Variants in CRTAC1 observed in about 807,000 individuals in gnomAD.
The protein encoded by CRTAC1 is acidic secreted protein in cartilage.
CRTAC1 carries 37 observed loss-of-function variants against 67.8 expected under a neutral mutation model. That is an observed-to-expected ratio of 0.55 (90% CI 0.42 to 0.72). CRTAC1 has a LOEUF of 0.72. Ranked by LOEUF, CRTAC1 falls within the 30% of genes least tolerant of loss-of-function variation. The probability of loss-of-function intolerance (pLI) is 0.00; values close to 1 mark genes in which losing one functional copy is unlikely to be tolerated. For synonymous variants in CRTAC1, 348 were observed against 371.0 expected (o/e 0.94, Z 0.71); for missense variants, 780 against 931.6 (o/e 0.84, Z 2.12).
chr10:97,998,817 G>A (rs2136681263), intron 2 of CRTAC1, among the ~76,000 whole-genome samples: 1 of 152,318 alleles, frequency 6.6e-6, no homozygotes, highest in Admixed American at 6.5e-5. Context: ...AAAATACTAT[G>A]CAAATGCCAA....
intron 8 of CRTAC1, among the ~76,000 whole-genome samples, chr10:97,901,019 C>A (rs1391232483): frequency 7.4e-6 from 1 of 134,976 alleles, no homozygotes; most frequent in African/African-American, 3.0e-5. Flanking sequence ...GTGATTGGAG[C>A]CCGTAGCCCC....
At chr10:98,004,651 C>T (rs1309493835) in intron 2 of CRTAC1, among the ~76,000 whole-genome samples, 1 of 151,860 alleles carries the variant, frequency 6.6e-6, no homozygotes, top group South Asian at 2.1e-4. Context: ...AGATTAGAAA[C>T]AGCTTAAACG....
chr10:97,938,747 C>T (rs1264583719), intron 2 of CRTAC1, among the ~76,000 whole-genome samples: 2 of 152,206 alleles, frequency 1.3e-5, no homozygotes, highest in Non-Finnish European at 2.9e-5. Context: ...CATCCTTGGG[C>T]TCATTTGCCA....
intron 2 of CRTAC1, among the ~76,000 whole-genome samples, chr10:97,994,534 G>A (rs1052195529): frequency 1.3e-5 from 2 of 152,182 alleles, no homozygotes; most frequent in African/African-American, 4.8e-5. Context: ...TTCAGGGGAC[G>A]CATAGATCTG....
At position 97,936,285 on chromosome 10, in the gene CRTAC1, T is replaced by C; in HGVS notation, c.306A>G (p.Ser102=). The C allele has an allele frequency of 6.2e-7, 1 of 1,613,980 alleles. No homozygotes were observed. The change falls in exon 3 of 15, where the codon TCA becomes TCG. Residue 102 remains serine, a synonymous_variant. Transcript: ENST00000370597. ...LVNIAVDERS[S]PYYALRDRQG... Reference sequence around the variant, plus strand: ...GCCGGTCCCGCAGCGCGTAGTAGGGTGAGCTGCGCTCATCGACCGCGATGT... The same window carrying C: ...GCCGGTCCCGCAGCGCGTAGTAGGGCGAGCTGCGCTCATCGACCGCGATGT...
intron 2 of CRTAC1, among the ~76,000 whole-genome samples, chr10:97,988,238 C>T (rs2052016888): frequency 6.6e-6 from 1 of 151,670 alleles, no homozygotes; most frequent in African/African-American, 2.4e-5. Flanking sequence ...CAGTATGCCT[C>T]CTCTAGATCC....
intron 11 of CRTAC1, among the ~76,000 whole-genome samples, chr10:97,887,727 G>A (rs1250291502): frequency 6.6e-6 from 1 of 152,234 alleles, no homozygotes; most frequent in East Asian, 1.9e-4. Context: ...TAAGATGGGG[G>A]TGCTGGCCAA....
At chr10:97,960,515 A>G (rs535776671) in intron 2 of CRTAC1, among the ~76,000 whole-genome samples, 7 of 152,218 alleles carry the variant, frequency 4.6e-5, no homozygotes, top group Admixed American at 3.9e-4. Context: ...AACTGCTTAC[A>G]TAATAAATCT....
intron 3 of CRTAC1, among the ~76,000 whole-genome samples, chr10:97,930,016 C>A (rs1316029365): frequency 6.6e-6 from 1 of 152,190 alleles, no homozygotes; most frequent in Non-Finnish European, 1.5e-5. Flanking sequence ...CTTCCCTCAT[C>A]CCAAGGTTAA....
At chr10:97,903,507 G>A (rs890882809) in intron 7 of CRTAC1, among the ~76,000 whole-genome samples, 3 of 151,812 alleles carry the variant, frequency 2.0e-5, no homozygotes, top group Non-Finnish European at 4.4e-5. Flanking sequence ...GGGAGGGAGT[G>A]GCTGGGCCTG....
At chr10:97,958,602 G>A (rs1259058605) in intron 2 of CRTAC1, among the ~76,000 whole-genome samples, 6 of 152,124 alleles carry the variant, frequency 3.9e-5, no homozygotes, top group Admixed American at 3.9e-4. Context: ...CATCATTTGA[G>A]TCCATAGAGA....
intron 5 of CRTAC1, among the ~76,000 whole-genome samples, chr10:97,916,285 T>C (rs2050757897): frequency 6.6e-6 from 1 of 152,204 alleles, no homozygotes; most frequent in Non-Finnish European, 1.5e-5. Flanking sequence ...TGTTTATTTC[T>C]TTTCCGGGGG....
chr10:98,004,131 C>T (rs1352498042), intron 2 of CRTAC1, among the ~76,000 whole-genome samples: 2 of 152,140 alleles, frequency 1.3e-5, no homozygotes, highest in Admixed American at 1.3e-4. Context: ...CATCCAAAAC[C>T]ACAGCTGAAG....
chr10:97,999,193 C>G (rs531898003), intron 2 of CRTAC1, among the ~76,000 whole-genome samples: 2 of 152,210 alleles, frequency 1.3e-5, no homozygotes, highest in African/African-American at 2.4e-5. Flanking sequence ...AGGACTCCCA[C>G]GCAGGGGAGA....
chr10:98,007,477 T>G (rs1044984275), intron 2 of CRTAC1, among the ~76,000 whole-genome samples: 1 of 152,242 alleles, frequency 6.6e-6, no homozygotes, highest in Admixed American at 6.5e-5. Flanking sequence ...GAATTCGCAA[T>G]GCTTCACAAC....
intron 2 of CRTAC1, among the ~76,000 whole-genome samples, chr10:97,961,747 C>T (rs1425270072): frequency 6.6e-6 from 1 of 152,214 alleles, no homozygotes; most frequent in African/African-American, 2.4e-5. Flanking sequence ...AGGTTCCATT[C>T]ATTGACTGGA....
intron 2 of CRTAC1, among the ~76,000 whole-genome samples, chr10:97,959,334 G>T (rs146954852): frequency 6.6e-6 from 1 of 152,208 alleles, no homozygotes. Flanking sequence ...CTGCTGCAGG[G>T]TAAACACACC....
At chr10:97,889,408 G>C (rs2050332863) in intron 11 of CRTAC1, among the ~76,000 whole-genome samples, 1 of 150,916 alleles carries the variant, frequency 6.6e-6, no homozygotes, top group Non-Finnish European at 1.5e-5. Flanking sequence ...CTGCACCGAG[G>C]AGCAGCAGGG....
At chr10:98,010,657 C>G (rs144980738) in intron 2 of CRTAC1, among the ~76,000 whole-genome samples, 1 of 152,294 alleles carries the variant, frequency 6.6e-6, no homozygotes, top group African/African-American at 2.4e-5. Flanking sequence ...TAATTTCCAT[C>G]TTCCCCCCTC....
Sources: allele counts gnomAD v4.1 joint callset (sites outside exome capture counted in the v4.1 genomes callset), GRCh38; gene constraint gnomAD v4.1.1; transcripts MANE v1.5; gene names NCBI Gene and HGNC (gene_info 2026-07-23, HGNC 2026-07-21).